The following FAT3 variants were observed in gnomAD, a reference collection of about 807,000 sequenced individuals.
FAT3 encodes the protein protocadherin Fat 3.
In FAT3, 95 loss-of-function variants were observed where a neutral mutation model predicts 310.2. That is an observed-to-expected ratio of 0.31 (90% CI 0.26 to 0.36). FAT3 has a LOEUF of 0.36. Ranked by LOEUF, FAT3 falls within the 10% of genes least tolerant of loss-of-function variation. The pLI is 1.00. For missense variants in FAT3, 5,408 were observed against 5,715.6 expected (o/e 0.95, Z 1.74); for synonymous variants, 2,314 against 2,192.9 (o/e 1.06, Z -1.54).
chr11:92,787,546 C>G (rs1386434652), intron 7 of FAT3, among the ~76,000 whole-genome samples: 1 of 151,546 alleles, frequency 6.6e-6, no homozygotes, highest in African/African-American at 2.4e-5. Flanking sequence ...GGATAAATTC[C>G]TGGTTATTCT....
In FAT3 at chr11:92,539,887, T is replaced by C. The variant is rs1163476358; in HGVS notation, c.3607+14939T>C. ...AGTGATAAAAGCAGGGCTGGCTTCATGGGCCTGCCATCTATGTCATCGCAT... is the reference window on the plus strand; with the variant it reads ...AGTGATAAAAGCAGGGCTGGCTTCACGGGCCTGCCATCTATGTCATCGCAT... On this transcript the variant is annotated intron_variant, in intron 3 of 27. Transcript: ENST00000525166. Among the ~76,000 whole-genome samples, 3 of 152,216 alleles carry C rather than the reference T, an allele frequency of 2.0e-5. No individual in the cohort carries two copies. The South Asian group carries it at 6.2e-4, about 31-fold the overall frequency.
intron 19 of FAT3, among the ~76,000 whole-genome samples, chr11:92,846,545 A>G (rs1322009003): frequency 3.3e-5 from 5 of 152,174 alleles, no homozygotes; most frequent in Admixed American, 3.3e-4. Context: ...GGGAGCAGGG[A>G]GCAGACTGAA....
intron 19 of FAT3, among the ~76,000 whole-genome samples, chr11:92,851,934 A>C (rs139230577): frequency 6.6e-6 from 1 of 152,308 alleles, no homozygotes; most frequent in African/African-American, 2.4e-5. Context: ...GCTCTTAACA[A>C]TAACAGGTGT....
intron 2 of FAT3, among the ~76,000 whole-genome samples, chr11:92,389,674 C>T (rs1200739508): frequency 6.6e-6 from 1 of 152,136 alleles, no homozygotes; most frequent in Non-Finnish European, 1.5e-5. Context: ...TTACAATAAT[C>T]TTCACAGTAG....
At chr11:92,513,769 G>A (rs1332440949) in intron 2 of FAT3, among the ~76,000 whole-genome samples, 1 of 152,090 alleles carries the variant, frequency 6.6e-6, no homozygotes, top group Non-Finnish European at 1.5e-5. Flanking sequence ...ATGCCATCAA[G>A]GTATTTTTTA....
chr11:92,730,022 C>T (rs1372433934), intron 4 of FAT3, among the ~76,000 whole-genome samples: 2 of 151,976 alleles, frequency 1.3e-5, no homozygotes, highest in African/African-American at 2.4e-5. Context: ...CTACATAAAA[C>T]ATACATAACA....
At chr11:92,692,116 G>GA (rs1277097565) in intron 3 of FAT3, among the ~76,000 whole-genome samples, 1 of 151,996 alleles carries the variant, frequency 6.6e-6, no homozygotes, top group East Asian at 1.9e-4. Flanking sequence ...ATCAGCTGCT[G>GA]AAAAAAATTT....
intron 2 of FAT3, among the ~76,000 whole-genome samples, chr11:92,411,129 T>C (rs1950255273): frequency 8.7e-6 from 1 of 115,068 alleles, no homozygotes; most frequent in South Asian, 2.8e-4. Flanking sequence ...TATTTATATA[T>C]TATATATTAT....
intron 2 of FAT3, among the ~76,000 whole-genome samples, chr11:92,391,868 C>T (rs760732306): frequency 5.3e-5 from 8 of 152,142 alleles, no homozygotes; most frequent in East Asian, 1.9e-4. Context: ...GGAATGAGAT[C>T]GTTAACATCA....
intron 1 of FAT3, among the ~76,000 whole-genome samples, chr11:92,303,449 A>G (rs1459113065): frequency 1.3e-5 from 2 of 152,098 alleles, no homozygotes; most frequent in Non-Finnish European, 2.9e-5. Context: ...CAGAAAACAT[A>G]CAGTTTCTGA....
chr11:92,784,001 A>G (rs1946824314), intron 7 of FAT3, among the ~76,000 whole-genome samples: 1 of 152,240 alleles, frequency 6.6e-6, no homozygotes, highest in Non-Finnish European at 1.5e-5. Flanking sequence ...ATATCTGTAC[A>G]CATTGTATGT....
At chr11:92,300,096 TGG>T (rs540376195) in intron 1 of FAT3, among the ~76,000 whole-genome samples, 34 of 152,024 alleles carry the variant, frequency 2.2e-4, no homozygotes, top group Non-Finnish European at 4.6e-4. Context: ...TCCTAACAAT[TGG>T]GGGAATCATG....
At chr11:92,333,173 A>G in intron 1 of FAT3, among the ~76,000 whole-genome samples, 1 of 152,146 alleles carries the variant, frequency 6.6e-6, no homozygotes, top group East Asian at 1.9e-4. Flanking sequence ...GTCCTACCCA[A>G]ATGACTGGGG....
chr11:92,489,636 T>C (rs1350033043), intron 2 of FAT3, among the ~76,000 whole-genome samples: 1 of 152,140 alleles, frequency 6.6e-6, no homozygotes, highest in Non-Finnish European at 1.5e-5. Flanking sequence ...ATTTTCCTTC[T>C]TACTTTAATA....
At chr11:92,663,413 C>T (rs1282902443) in intron 3 of FAT3, among the ~76,000 whole-genome samples, 2 of 152,230 alleles carry the variant, frequency 1.3e-5, no homozygotes, top group Non-Finnish European at 1.5e-5. Flanking sequence ...AGAATCAGAC[C>T]TGCAGTTTAG....
intron 1 of FAT3, among the ~76,000 whole-genome samples, chr11:92,288,721 A>G (rs952630801): frequency 3.9e-5 from 6 of 152,110 alleles, no homozygotes; most frequent in Admixed American, 3.9e-4. Context: ...TTGTATGAAG[A>G]CAAGGATTTT....
intron 3 of FAT3, among the ~76,000 whole-genome samples, chr11:92,644,431 T>G (rs1942077035): frequency 1.3e-5 from 2 of 152,308 alleles, no homozygotes; most frequent in East Asian, 3.9e-4. Flanking sequence ...AAGAAGTAGT[T>G]TCTGATACCT....
chr11:92,443,812 T>G (rs1951139613), intron 2 of FAT3, among the ~76,000 whole-genome samples: 1 of 150,376 alleles, frequency 6.6e-6, no homozygotes, highest in Admixed American at 6.7e-5. Context: ...GGAGGAGGAG[T>G]GAGGAGGAGG....
chr11:92,488,072 A>C (rs1199560177), intron 2 of FAT3, among the ~76,000 whole-genome samples: 2 of 152,190 alleles, frequency 1.3e-5, no homozygotes, highest in African/African-American at 4.8e-5. Context: ...ACTTGCTAGC[A>C]GATTTATTTC....
Sources: allele counts gnomAD v4.1 joint callset (sites outside exome capture counted in the v4.1 genomes callset), GRCh38; gene constraint gnomAD v4.1.1; transcripts MANE v1.5; gene names NCBI Gene and HGNC (gene_info 2026-07-23, HGNC 2026-07-21).